Variants in GXYLT1 observed in about 807,000 individuals in gnomAD.
GXYLT1 encodes the protein glucoside xylosyltransferase 1, also known as glycosyltransferase 8 domain containing 3.
GXYLT1 carries 29 observed loss-of-function variants against 54.0 expected under a neutral mutation model. The observed-to-expected ratio is 0.54, with a 90% confidence interval of 0.40 to 0.73. The LOEUF is 0.73. Among genes scored for constraint, GXYLT1 ranks in the 30% least tolerant of loss-of-function variants. The pLI is 0.00. For synonymous variants in GXYLT1, 176 were observed against 204.1 expected (o/e 0.86, Z 1.17); for missense variants, 490 against 553.4 (o/e 0.89, Z 1.15).
chr12:42,127,968 C>T (rs924073872), intron 2 of GXYLT1, among the ~76,000 whole-genome samples: 3 of 152,178 alleles, frequency 2.0e-5, no homozygotes, highest in Non-Finnish European at 4.4e-5. Flanking sequence ...GAACCTATTC[C>T]CCACCAGTTC....
chr12:42,129,271 A>C (rs2065580710), intron 2 of GXYLT1, among the ~76,000 whole-genome samples: 1 of 152,232 alleles, frequency 6.6e-6, no homozygotes, highest in African/African-American at 2.4e-5. Context: ...AGGAAGAAGT[A>C]GCCAGGAGCT....
intron 1 of GXYLT1, among the ~76,000 whole-genome samples, chr12:42,142,528 T>G (rs2065657667): frequency 6.6e-6 from 1 of 151,742 alleles, no homozygotes; most frequent in South Asian, 2.1e-4. Context: ...TTTTATTTTT[T>G]GTAAAGATGG....
intron 7 of GXYLT1, among the ~76,000 whole-genome samples, chr12:42,089,384 G>A (rs1055018800): frequency 6.6e-5 from 10 of 151,492 alleles, no homozygotes; most frequent in African/African-American, 2.4e-4. Flanking sequence ...CATACCTAAT[G>A]TAAATGACGA....
chr12:42,121,038 T>C (rs1018985602), intron 2 of GXYLT1, among the ~76,000 whole-genome samples: 3 of 152,142 alleles, frequency 2.0e-5, no homozygotes, highest in Non-Finnish European at 4.4e-5. Flanking sequence ...CCAGTTCATC[T>C]CAAAAACAGT....
chr12:42,091,736 G>T (rs984773871), intron 7 of GXYLT1, among the ~76,000 whole-genome samples: 2 of 152,132 alleles, frequency 1.3e-5, no homozygotes, highest in Non-Finnish European at 1.5e-5. Context: ...TAGAACTGTA[G>T]CCTACAATGC....
Position 42,129,749 on chromosome 12 carries a change from A to AGGAG in GXYLT1, c.314+9_314+10insCTCC. ...TACACTGATCTACCAATTAAATATT[A>AGGAG]AGTGCCTACCTAAAAGCCGCTTCCC... On this transcript the variant is annotated intron_variant, in intron 2 of 7. Coordinates refer to ENST00000398675, the MANE Select transcript of GXYLT1 (RefSeq NM_173601.2). 2 of 1,578,770 alleles carry AGGAG rather than the reference A, an allele frequency of 1.3e-6. No individual in the cohort carries two copies. The highest frequency in any genetic ancestry group is 1.7e-6 in the Non-Finnish European group (2 of 1,148,098).
At chr12:42,124,734 TG>T (rs1328359398) in intron 2 of GXYLT1, among the ~76,000 whole-genome samples, 2 of 152,236 alleles carry the variant, frequency 1.3e-5, no homozygotes, top group African/African-American at 4.8e-5. Flanking sequence ...TCCTTTCATA[TG>T]GGCACTGGGG....
At chr12:42,112,438 A>G (rs2065463972) in intron 3 of GXYLT1, among the ~76,000 whole-genome samples, 1 of 152,240 alleles carries the variant, frequency 6.6e-6, no homozygotes, top group African/African-American at 2.4e-5. Context: ...AATGCAGAGA[A>G]GTCCTTAAAG....
At chr12:42,144,231 T>C (rs1048776746) in intron 1 of GXYLT1, among the ~76,000 whole-genome samples, 195 bp downstream of exon 1, 2 of 152,162 alleles carry the variant, frequency 1.3e-5, no homozygotes, top group African/African-American at 4.8e-5. Context: ...ACACAGAAAG[T>C]GTAGGACACT....
intron 1 of GXYLT1, 91 bp from the exon 2 acceptor site, chr12:42,129,942 T>C: frequency 1.3e-6 from 1 of 767,858 alleles, no homozygotes; most frequent in Non-Finnish European, 2.2e-6. Context: ...TAACTTACTG[T>C]TCTATTTTAA....
At chr12:42,141,287 T>C (rs1290728160) in intron 1 of GXYLT1, among the ~76,000 whole-genome samples, 2 of 152,254 alleles carry the variant, frequency 1.3e-5, no homozygotes, top group Admixed American at 6.5e-5. Context: ...AAGTTTTGTC[T>C]TTACTGGAAA....
chr12:42,111,239 G>T (rs1361170075), intron 3 of GXYLT1, among the ~76,000 whole-genome samples: 1 of 152,226 alleles, frequency 6.6e-6, no homozygotes, highest in Non-Finnish European at 1.5e-5. Flanking sequence ...ATTTCCAACT[G>T]AGGTACCGGG....
In GXYLT1 at chr12:42,115,962, C is replaced by T. The variant is rs148080972; in HGVS notation, c.486+3038G>A. Among the ~76,000 whole-genome samples the T allele has an allele frequency of 2.9e-3, 420 of 145,670 alleles. 6 individuals are homozygous for T. Among genetic ancestry groups the T allele is most frequent in the African/African-American group, 0.01 (404 of 39,878 alleles). On this transcript the variant is annotated intron_variant, in intron 3 of 7. Transcript: ENST00000398675. ...GACCAATGGAACTGAACAGAGCCCT[C>T]AGAAATAATGCCGCATATCTATAAC...
chr12:42,134,014 T>C (rs1016124619), intron 1 of GXYLT1, among the ~76,000 whole-genome samples: 6 of 151,738 alleles, frequency 4.0e-5, no homozygotes. Flanking sequence ...CTGGGCAACA[T>C]GGCAAAACCC....
At chr12:42,133,281 A>AAACCAACC (rs569197407) in intron 1 of GXYLT1, among the ~76,000 whole-genome samples, 2 of 152,096 alleles carry the variant, frequency 1.3e-5, no homozygotes, top group Non-Finnish European at 2.9e-5. Context: ...CTGTCTCAAA[A>AAACCAACC]AACCAACCAA....
intron 7 of GXYLT1, among the ~76,000 whole-genome samples, chr12:42,094,189 A>G (rs994541884): frequency 2.0e-5 from 3 of 151,970 alleles, no homozygotes; most frequent in Admixed American, 2.0e-4. Flanking sequence ...CCTCATCTCT[A>G]TAAAAAATAC....
chr12:42,136,176 T>C (rs1449967792), intron 1 of GXYLT1, among the ~76,000 whole-genome samples: 2 of 152,218 alleles, frequency 1.3e-5, no homozygotes, highest in African/African-American at 4.8e-5. Context: ...TGAGAACTTA[T>C]GACATATCAG....
Position 42,109,680 on chromosome 12 carries a change from CCAG to C in GXYLT1, c.495_497del (p.Asn165_Trp166delinsLys). ...TATAATTAAATGTTTGTAGAAATGA[CCAG>C]TTGTCAAGCTAAAACAATTTAAAAA... On this transcript the variant is annotated inframe_deletion, in exon 4 of 8. Transcript: ENST00000398675. 6.6e-7 allele frequency: 1 copy of C among 1,521,160 alleles called. No individual in the cohort carries two copies. The highest frequency in any genetic ancestry group is 8.9e-7 in the Non-Finnish European group (1 of 1,118,628). 94.2% of individuals were successfully genotyped at this position (1,521,160 alleles called of 1,614,324 possible). A position where few individuals can be genotyped will look rare whatever the true frequency, so the allele number is the denominator to read the frequency against.
intron 4 of GXYLT1, among the ~76,000 whole-genome samples, chr12:42,107,183 T>C (rs1592109175): frequency 6.6e-6 from 1 of 152,240 alleles, no homozygotes; most frequent in Non-Finnish European, 1.5e-5. Context: ...TAAGACATAA[T>C]AGGAGCTTGA....
Sources: allele counts gnomAD v4.1 joint callset (sites outside exome capture counted in the v4.1 genomes callset), GRCh38; gene constraint gnomAD v4.1.1; transcripts MANE v1.5; gene names NCBI Gene and HGNC (gene_info 2026-07-23, HGNC 2026-07-21).